Variants in SYN3 observed in about 807,000 individuals in gnomAD.
The protein encoded by SYN3 is synapsin III, also known as synapsin-3.
SYN3 carries 35 observed loss-of-function variants against 65.8 expected under a neutral mutation model. The ratio of observed to expected loss-of-function variants is 0.53; its 90% confidence interval spans 0.41 to 0.70. SYN3 has a LOEUF of 0.70. Ranked by LOEUF, SYN3 falls within the 30% of genes least tolerant of loss-of-function variation. The probability of loss-of-function intolerance (pLI) is 0.00; values close to 1 mark genes in which losing one functional copy is unlikely to be tolerated. For missense variants in SYN3, 680 were observed against 749.0 expected (o/e 0.91, Z 1.08); for synonymous variants, 270 against 292.9 (o/e 0.92, Z 0.80).
rs939225335 is a variant in SYN3, at chr22:32,864,851, G to A, written c.711+64C>T. The A allele has an allele frequency of 6.8e-6, 10 of 1,464,088 alleles. No individual in the cohort carries two copies. The Middle Eastern group carries it at 6.9e-4, about 101-fold the overall frequency. The allele number at this position is 1,464,088 out of a possible 1,614,324, so 90.7% of individuals were successfully genotyped here. A position where few individuals can be genotyped will look rare whatever the true frequency, so the allele number is the denominator to read the frequency against. On this transcript the variant is annotated intron_variant, in intron 6 of 13. Transcript: ENST00000358763. ...TCCACCTCCTCCATCCAAAGAGACC[G>A]AGGACAAGTCATCTGTATTCATTCC...
At chr22:32,556,421 C>CAA (rs2058496732) in intron 7 of SYN3, among the ~76,000 whole-genome samples, 1 of 152,268 alleles carries the variant, frequency 6.6e-6, no homozygotes, top group Non-Finnish European at 1.5e-5. Flanking sequence ...CACAAAGATG[C>CAA]AACATCACTG....
At chr22:32,876,615 A>T (rs1459542623) in intron 4 of SYN3, among the ~76,000 whole-genome samples, 1 of 151,646 alleles carries the variant, frequency 6.6e-6, no homozygotes, top group Non-Finnish European at 1.5e-5. Context: ...AAAAAAGAGC[A>T]CAGAGCATTT....
At chr22:32,652,193 C>T (rs532521605) in intron 6 of SYN3, among the ~76,000 whole-genome samples, 1 of 152,202 alleles carries the variant, frequency 6.6e-6, no homozygotes, top group East Asian at 1.9e-4. Flanking sequence ...CTGCCATCTC[C>T]TCCCCGCTAG....
At chr22:32,558,328 A>G (rs74504327) in intron 7 of SYN3, among the ~76,000 whole-genome samples, 7,549 of 152,254 alleles carry the variant, frequency 0.05, 380 homozygotes, top group East Asian at 0.23. Context: ...AAGACAGTGT[A>G]TGTCCACTCA....
chr22:32,921,739 A>G (rs552955604), intron 4 of SYN3, among the ~76,000 whole-genome samples: 1 of 152,338 alleles, frequency 6.6e-6, no homozygotes, highest in African/African-American at 2.4e-5. Flanking sequence ...TTTAGTGATT[A>G]TCCTGATCCA....
Position 32,511,337 on chromosome 22 carries a change from C to G in SYN3, c.*2355G>C, listed in dbSNP as rs1275273881. 1.3e-5 allele frequency among the ~76,000 whole-genome samples: 2 copies of G among 152,208 alleles called. No homozygotes were observed. The highest frequency in any genetic ancestry group is 4.8e-5 in the African/African-American group (2 of 41,450). On this transcript the variant is annotated 3_prime_UTR_variant, in exon 14 of 14. Coordinates refer to ENST00000358763, the MANE Select transcript of SYN3 (RefSeq NM_003490.4). ...GGGATATTGACCCCAGGACCCCCAC[C>G]TCCACCCACCTTGGGGGTCTAGAAG... is the stretch of plus-strand genomic sequence containing the variant.
intron 6 of SYN3, among the ~76,000 whole-genome samples, chr22:32,788,886 A>G (rs886634796): frequency 5.9e-5 from 9 of 152,284 alleles, no homozygotes; most frequent in African/African-American, 2.2e-4. Flanking sequence ...ATCTTGGTGC[A>G]CCCACCTGCC....
chr22:32,585,863 T>C (rs1361493044), intron 7 of SYN3, among the ~76,000 whole-genome samples: 1 of 151,642 alleles, frequency 6.6e-6, no homozygotes, highest in Non-Finnish European at 1.5e-5. Context: ...TATATGTATA[T>C]ATACGTATAT....
chr22:32,884,895 AATC>A (rs1305815137), intron 4 of SYN3, among the ~76,000 whole-genome samples: 1 of 152,108 alleles, frequency 6.6e-6, no homozygotes, highest in African/African-American at 2.4e-5. Context: ...AAGAAAAGAA[AATC>A]ATTTCATATC....
chr22:32,970,377 C>T (rs1364014550), intron 3 of SYN3, among the ~76,000 whole-genome samples: 1 of 151,678 alleles, frequency 6.6e-6, no homozygotes, highest in Admixed American at 6.6e-5. Context: ...CGTGTTGGCT[C>T]ACACCTGTAA....
chr22:32,899,101 A>AAAAACAAAACAAAAC (rs137523), intron 4 of SYN3, among the ~76,000 whole-genome samples: 50,272 of 147,350 alleles, frequency 0.34, 9,842 homozygotes, highest in African/African-American at 0.52. Context: ...ACTCTGTCTC[A>AAAAACAAAACAAAAC]AAAACAAAAC....
At chr22:32,641,762 C>A (rs73154374) in intron 6 of SYN3, among the ~76,000 whole-genome samples, 9,345 of 152,022 alleles carry the variant, frequency 0.061, 447 homozygotes, top group South Asian at 0.21. Flanking sequence ...TGCGAATATA[C>A]TAAAAGCCAC....
intron 3 of SYN3, among the ~76,000 whole-genome samples, chr22:32,937,951 C>G (rs2050820745): frequency 1.3e-5 from 2 of 151,978 alleles, no homozygotes; most frequent in Admixed American, 1.3e-4. Flanking sequence ...GAGGTAGGGA[C>G]AGAAAATTTA....
At chr22:32,580,075 G>T (rs936392394) in intron 7 of SYN3, among the ~76,000 whole-genome samples, 6 of 152,254 alleles carry the variant, frequency 3.9e-5, no homozygotes, top group African/African-American at 1.4e-4. Context: ...CCCTGGCCTA[G>T]GCGGGGAGGG....
At chr22:32,603,410 C>T (rs2059314951) in intron 6 of SYN3, among the ~76,000 whole-genome samples, 3 of 150,526 alleles carry the variant, frequency 2.0e-5, no homozygotes, top group Non-Finnish European at 4.4e-5. Context: ...GTCCCAGCTA[C>T]TAGGGAGGCT....
chr22:32,807,378 A>AAATATATATTATAT (rs1569239803), intron 6 of SYN3, among the ~76,000 whole-genome samples: 1 of 108,242 alleles, frequency 9.2e-6, no homozygotes, highest in African/African-American at 4.1e-5. Context: ...TATTATATAT[A>AAATATATATTATAT]ATATATATTA....
At chr22:32,615,874 G>T (rs771104461) in intron 6 of SYN3, among the ~76,000 whole-genome samples, 1 of 152,238 alleles carries the variant, frequency 6.6e-6, no homozygotes, top group African/African-American at 2.4e-5. Flanking sequence ...GTACGACAGG[G>T]ACAGCTTCTC....
chr22:32,552,442 T>C (rs1215804694), intron 7 of SYN3, among the ~76,000 whole-genome samples: 13 of 151,556 alleles, frequency 8.6e-5, no homozygotes, highest in African/African-American at 3.1e-4. Context: ...TTTTTTTTTT[T>C]TTTTAGTGTG....
rs538762981 is a variant in SYN3 at position 32,513,824 on chromosome 22, G to A, written c.1611C>T (p.Asn537=). ...GGCTGTTAGTCAGGGACTGAGATTT[G>A]CTGAAACAGAAAGGCAAGGGGGTTG... ...KKPAPPHPHL[N]KSQSLTNSLS... is the part of the protein sequence containing the mutation. Residue 537 remains asparagine, a splice_region_variant and synonymous_variant, in exon 14 of 14, where the codon AAC becomes AAT. Coordinates refer to ENST00000358763, the MANE Select transcript of SYN3 (RefSeq NM_003490.4). 6.8e-6 allele frequency: 11 copies of A among 1,614,128 alleles called. 1 individual carries two copies. Among genetic ancestry groups the A allele is most frequent in the South Asian group, 6.6e-5 (6 of 91,068 alleles).
Sources: gnomAD v4.1 joint callset for allele counts (sites outside exome capture counted in the v4.1 genomes callset) on GRCh38, gnomAD v4.1.1 for gene constraint, MANE v1.5 for transcripts, NCBI Gene and HGNC (gene_info 2026-07-23, HGNC 2026-07-21) for gene names.